Variants in DLGAP1 observed in about 807,000 individuals in gnomAD.
The protein encoded by DLGAP1 is DLG associated protein 1.
Under a neutral mutation model 90.8 loss-of-function variants are expected in DLGAP1, and 11 were observed. That is an observed-to-expected ratio of 0.12 (90% confidence interval 0.08 to 0.20). The LOEUF (loss-of-function observed/expected upper bound fraction) is 0.20, where lower values mean the gene tolerates loss of function less well. Among genes scored for constraint, DLGAP1 ranks in the 10% least tolerant of loss-of-function variants. The pLI is 1.00. For synonymous variants in DLGAP1, 558 were observed against 540.7 expected (o/e 1.03, Z -0.44); for missense variants, 1,050 against 1,333.8 (o/e 0.79, Z 3.31).
intron 9 of DLGAP1, among the ~76,000 whole-genome samples, chr18:3,544,723 A>ATTT (rs1310142923): frequency 6.8e-6 from 1 of 147,698 alleles, no homozygotes; most frequent in Non-Finnish European, 1.5e-5. Flanking sequence ...CTTTGCTTTT[A>ATTT]TTTATTTATT....
chr18:3,625,334 T>C (rs776050065), intron 7 of DLGAP1, among the ~76,000 whole-genome samples: 3 of 152,156 alleles, frequency 2.0e-5, no homozygotes, highest in Non-Finnish European at 2.9e-5. Context: ...TGTGTGTGTT[T>C]GCGGGGGCTG....
chr18:4,011,052 T>G (rs1031969869), intron 2 of DLGAP1, among the ~76,000 whole-genome samples: 4 of 151,716 alleles, frequency 2.6e-5, no homozygotes, highest in African/African-American at 4.8e-5. Flanking sequence ...AATGTGCCCC[T>G]GTAATCCCTG....
intron 10 of DLGAP1, among the ~76,000 whole-genome samples, chr18:3,520,714 C>A (rs1478093833): frequency 6.6e-6 from 1 of 152,238 alleles, no homozygotes; most frequent in East Asian, 1.9e-4. Flanking sequence ...AAATTAATTT[C>A]TCCTGTTTAA....
chr18:3,827,531 G>T (rs948900330), intron 4 of DLGAP1, among the ~76,000 whole-genome samples: 3 of 152,282 alleles, frequency 2.0e-5, no homozygotes, highest in African/African-American at 7.2e-5. Flanking sequence ...TGCTGTTCAT[G>T]AATAGCTTTA....
At chr18:3,609,447 A>C (rs1668860287) in intron 7 of DLGAP1, among the ~76,000 whole-genome samples, 1 of 152,324 alleles carries the variant, frequency 6.6e-6, no homozygotes, top group East Asian at 1.9e-4. Context: ...TAGGAGTCTT[A>C]GCCATGAACC....
At chr18:3,532,391 C>T (rs893272543) in intron 10 of DLGAP1, among the ~76,000 whole-genome samples, 1 of 151,868 alleles carries the variant, frequency 6.6e-6, no homozygotes, top group Non-Finnish European at 1.5e-5. Context: ...ACCAGCCTGA[C>T]CAACATGGTG....
intron 4 of DLGAP1, among the ~76,000 whole-genome samples, chr18:3,837,666 T>C (rs1018630235): frequency 1.8e-4 from 27 of 151,796 alleles, no homozygotes; most frequent in African/African-American, 6.3e-4. Flanking sequence ...CTGGGCAACA[T>C]GGTGAAACCC....
intron 5 of DLGAP1, among the ~76,000 whole-genome samples, chr18:3,785,483 C>T (rs2065404915): frequency 6.6e-6 from 1 of 152,176 alleles, no homozygotes; most frequent in African/African-American, 2.4e-5. Flanking sequence ...CTCAATAACT[C>T]AGTGGAGTAC....
chr18:4,424,923 TGAAA>T (rs1365117237), intron 1 of DLGAP1, among the ~76,000 whole-genome samples: 2 of 152,124 alleles, frequency 1.3e-5, no homozygotes, highest in Non-Finnish European at 2.9e-5. Flanking sequence ...TTTATTCCAC[TGAAA>T]GAAACTTCTT....
intron 3 of DLGAP1, among the ~76,000 whole-genome samples, chr18:3,986,896 A>G (rs901234630): frequency 1.3e-5 from 2 of 152,132 alleles, no homozygotes; most frequent in Non-Finnish European, 2.9e-5. Context: ...GGACCCTTCA[A>G]TGGTGACACC....
chr18:3,701,052 T>C (rs2061264265), intron 7 of DLGAP1, among the ~76,000 whole-genome samples: 2 of 152,206 alleles, frequency 1.3e-5, no homozygotes, highest in African/African-American at 4.8e-5. Flanking sequence ...GGCTAAGTTT[T>C]AAATTTTTTG....
chr18:4,374,366 TTAAG>T (rs980517463), intron 1 of DLGAP1, among the ~76,000 whole-genome samples: 3 of 152,156 alleles, frequency 2.0e-5, no homozygotes, highest in East Asian at 3.9e-4. Context: ...TGCAAAAACA[TTAAG>T]TAATATATTT....
intron 7 of DLGAP1, among the ~76,000 whole-genome samples, chr18:3,589,499 C>T (rs2056108644): frequency 6.6e-6 from 1 of 152,080 alleles, no homozygotes; most frequent in East Asian, 1.9e-4. Flanking sequence ...TTCTTTAAAA[C>T]ATGAGAGAGC....
intron 1 of DLGAP1, among the ~76,000 whole-genome samples, chr18:4,176,808 G>A (rs778364417): frequency 2.6e-5 from 4 of 152,184 alleles, no homozygotes; most frequent in Non-Finnish European, 5.9e-5. Context: ...ATTGGAAGAA[G>A]GAATGGAGCG....
intron 7 of DLGAP1, among the ~76,000 whole-genome samples, chr18:3,661,190 G>A (rs1164035886): frequency 6.6e-6 from 1 of 152,134 alleles, no homozygotes; most frequent in Non-Finnish European, 1.5e-5. Flanking sequence ...GTACCAGAGT[G>A]CCCAGTGAAA....
chr18:3,852,923 T>G (rs1392498747), intron 4 of DLGAP1, among the ~76,000 whole-genome samples: 1 of 152,080 alleles, frequency 6.6e-6, no homozygotes, highest in Non-Finnish European at 1.5e-5. Flanking sequence ...TTATGTCAGA[T>G]TCATGAAAGA....
chr18:4,245,985 C>T (rs562165108), intron 1 of DLGAP1, among the ~76,000 whole-genome samples: 5 of 148,310 alleles, frequency 3.4e-5, no homozygotes, highest in African/African-American at 1.2e-4. Flanking sequence ...TATATTCAAA[C>T]GTTACCACTG....
chr18:3,874,349 T>C, intron 4 of DLGAP1: 1 of 1,507,258 alleles, frequency 6.6e-7, no homozygotes, highest in East Asian at 2.5e-5. Context: ...TTTGTTTCCC[T>C]TTTCCTGTTT....
chr18:4,012,718 CT>C lies in DLGAP1; in HGVS notation c.-158-7518del, dbSNP rs553319955. 6.3e-3 allele frequency among the ~76,000 whole-genome samples: 891 copies of C among 141,808 alleles called. 3 individuals are homozygous for C. Among genetic ancestry groups the C allele is most frequent in the Middle Eastern group, 0.057 (15 of 262 alleles). The allele number at this position is 141,808 out of a possible 152,430, so 93.0% of individuals were successfully genotyped here. A position where few individuals can be genotyped will look rare whatever the true frequency, so the allele number is the denominator to read the frequency against. ...ATCTTGTTAACAGATTGCTCCTGTT[CT>C]TTTTTTTTTTTTTTGAGACAGGGTC... On this transcript the variant is annotated intron_variant, in intron 2 of 12. Coordinates refer to ENST00000315677, the MANE Select transcript of DLGAP1 (RefSeq NM_004746.4).
Sources: gnomAD v4.1 joint callset for allele counts (sites outside exome capture counted in the v4.1 genomes callset) on GRCh38, gnomAD v4.1.1 for gene constraint, MANE v1.5 for transcripts, NCBI Gene and HGNC (gene_info 2026-07-23, HGNC 2026-07-21) for gene names.